The following DCC variants were observed in gnomAD, a reference collection of about 807,000 sequenced individuals.
DCC encodes netrin receptor DCC.
Under a neutral mutation model 172.5 loss-of-function variants are expected in DCC, and 58 were observed. The observed-to-expected ratio is 0.34, with a 90% confidence interval of 0.27 to 0.42. The LOEUF (loss-of-function observed/expected upper bound fraction) is 0.42, where lower values mean the gene tolerates loss of function less well. Ranked by LOEUF, DCC falls within the 10% of genes least tolerant of loss-of-function variation. DCC has a pLI of 1.00. For missense variants in DCC, 1,740 were observed against 1,791.0 expected (o/e 0.97, Z 0.51); for synonymous variants, 709 against 644.5 (o/e 1.10, Z -1.52).
intron 8 of DCC, among the ~76,000 whole-genome samples, chr18:53,175,090 A>C (rs1042323738): frequency 5.3e-5 from 8 of 152,084 alleles, no homozygotes; most frequent in Non-Finnish European, 1.0e-4. Context: ...TGATTATCTC[A>C]ATAGATGCAG....
chr18:53,201,049 A>C (rs923084501), intron 9 of DCC, among the ~76,000 whole-genome samples: 30 of 152,030 alleles, frequency 2.0e-4, no homozygotes, highest in Non-Finnish European at 3.8e-4. Flanking sequence ...GTCCATTTGA[A>C]TTGTGTCACA....
intron 7 of DCC, among the ~76,000 whole-genome samples, chr18:53,122,513 AT>A (rs33921275): frequency 2.6e-5 from 4 of 151,808 alleles, no homozygotes; most frequent in Non-Finnish European, 4.4e-5. Context: ...TAAGATACAG[AT>A]TTTTTTTCAG....
chr18:52,699,652 T>C (rs1333017554), intron 1 of DCC, among the ~76,000 whole-genome samples: 1 of 152,178 alleles, frequency 6.6e-6, no homozygotes, highest in Non-Finnish European at 1.5e-5. Flanking sequence ...GATAATTGCA[T>C]TTGGTGGTAA....
intron 2 of DCC, among the ~76,000 whole-genome samples, chr18:52,891,053 G>C (rs12454902): frequency 6.6e-6 from 1 of 151,888 alleles, no homozygotes; most frequent in Non-Finnish European, 1.5e-5. Context: ...TAATAAGAAG[G>C]CTCAATAAAT....
At chr18:53,186,107 T>A (rs2144499456) in intron 9 of DCC, among the ~76,000 whole-genome samples, 1 of 152,308 alleles carries the variant, frequency 6.6e-6, no homozygotes, top group East Asian at 1.9e-4. Context: ...TCTCTTTTCT[T>A]TTGAGCACAC....
chr18:53,363,936 A>G (rs748215082), intron 15 of DCC, among the ~76,000 whole-genome samples: 6 of 152,222 alleles, frequency 3.9e-5, no homozygotes, highest in Admixed American at 1.3e-4. Flanking sequence ...TGCAAAAATC[A>G]TAATAAATGT....
intron 5 of DCC, among the ~76,000 whole-genome samples, chr18:52,966,917 T>C (rs2040941205): frequency 6.6e-6 from 1 of 152,226 alleles, no homozygotes; most frequent in Non-Finnish European, 1.5e-5. Context: ...CATGCGTCTT[T>C]CCTGCTATGT....
chr18:52,427,835 T>TCTTTCTTCCTTC (rs1987487028), intron 1 of DCC, among the ~76,000 whole-genome samples: 4 of 46,060 alleles, frequency 8.7e-5, no homozygotes, highest in Admixed American at 2.4e-4. Flanking sequence ...TTCCTTCCTT[T>TCTTTCTTCCTTC]CTTCCTTCCT....
chr18:53,259,101 T>C (rs543850105), intron 12 of DCC, among the ~76,000 whole-genome samples: 2 of 152,332 alleles, frequency 1.3e-5, no homozygotes, highest in South Asian at 4.1e-4. Flanking sequence ...AGCCTGTGTG[T>C]GTCTCTGCAC....
intron 1 of DCC, among the ~76,000 whole-genome samples, chr18:52,712,060 A>G (rs1028106254): frequency 2.0e-5 from 3 of 151,932 alleles, no homozygotes; most frequent in African/African-American, 7.3e-5. Flanking sequence ...CTCCTGGTTC[A>G]AGCAATTTTC....
intron 2 of DCC, among the ~76,000 whole-genome samples, chr18:52,846,915 C>A (rs1046117124): frequency 6.6e-6 from 1 of 152,018 alleles, no homozygotes; most frequent in Non-Finnish European, 1.5e-5. Context: ...GCTGTCAGTG[C>A]AAATATAGGG....
intron 1 of DCC, among the ~76,000 whole-genome samples, chr18:52,731,982 G>C (rs552537447): frequency 6.6e-6 from 1 of 152,122 alleles, no homozygotes; most frequent in African/African-American, 2.4e-5. Flanking sequence ...ATCTTTTTAC[G>C]GCTTTCTATA....
chr18:52,386,735 G>A (rs1045558649), intron 1 of DCC, among the ~76,000 whole-genome samples: 3 of 151,972 alleles, frequency 2.0e-5, no homozygotes, highest in African/African-American at 7.3e-5. Context: ...AGAGATTGTT[G>A]GGAATTTAAT....
chr18:52,605,689 GGAT>G (rs2034118659), intron 1 of DCC, among the ~76,000 whole-genome samples: 2 of 152,172 alleles, frequency 1.3e-5, no homozygotes, highest in South Asian at 4.1e-4. Context: ...GATTACAGTT[GGAT>G]GATATTGCTA....
intron 2 of DCC, among the ~76,000 whole-genome samples, chr18:52,760,281 T>G (rs1009142297): frequency 2.6e-5 from 4 of 152,128 alleles, no homozygotes; most frequent in Admixed American, 1.3e-4. Context: ...TCAGATCTCA[T>G]GAGAACTCAC....
At chr18:53,323,632 GTGGATGGATGGA>G (rs964849139) in intron 14 of DCC, among the ~76,000 whole-genome samples, 1 of 151,988 alleles carries the variant, frequency 6.6e-6, no homozygotes, top group Non-Finnish European at 1.5e-5. Flanking sequence ...CTTAGGATGG[GTGGATGGATGGA>G]TGGATGGATG....
intron 1 of DCC, among the ~76,000 whole-genome samples, chr18:52,478,190 A>G (rs1171089909): frequency 1.3e-5 from 2 of 151,732 alleles, no homozygotes; most frequent in African/African-American, 4.9e-5. Context: ...TTAGAGATTA[A>G]TTTCTCTTGA....
At chr18:52,699,086 G>A (rs187818101) in intron 1 of DCC, among the ~76,000 whole-genome samples, 56 of 152,298 alleles carry the variant, frequency 3.7e-4, no homozygotes, top group Non-Finnish European at 5.7e-4. Flanking sequence ...CTTTCCCAAG[G>A]TTTGGCTTTA....
intron 3 of DCC, among the ~76,000 whole-genome samples, chr18:52,913,041 T>C (rs2039993420): frequency 6.6e-6 from 1 of 152,102 alleles, no homozygotes; most frequent in South Asian, 2.1e-4. Context: ...ATAGGATACC[T>C]TTTATTGTGT....
Sources: gnomAD v4.1 joint callset for allele counts (sites outside exome capture counted in the v4.1 genomes callset) on GRCh38, gnomAD v4.1.1 for gene constraint, MANE v1.5 for transcripts, NCBI Gene and HGNC (gene_info 2026-07-23, HGNC 2026-07-21) for gene names.